The following ADGRL3 variants were observed in gnomAD, a reference collection of about 807,000 sequenced individuals.
ADGRL3 encodes the protein adhesion G protein-coupled receptor L3, also known as calcium-independent alpha-latrotoxin receptor 3.
A neutral mutation model predicts 153.5 loss-of-function variants in ADGRL3; 62 were observed. That is an observed-to-expected ratio of 0.40 (90% confidence interval 0.33 to 0.50). ADGRL3 has a LOEUF of 0.50. ADGRL3 is among the 20% of genes least tolerant of loss of function. The pLI is 0.47. For synonymous variants in ADGRL3, 710 were observed against 672.5 expected, an observed-to-expected ratio of 1.06 and a Z score of -0.86; for missense variants, 1,641 against 1,859.4, an observed-to-expected ratio of 0.88 and a Z score of 2.16.
intron 1 of ADGRL3, among the ~76,000 whole-genome samples, chr4:61,299,946 A>G (rs1185663575): frequency 6.6e-6 from 1 of 152,150 alleles, no homozygotes; most frequent in African/African-American, 2.4e-5. Flanking sequence ...TGTCTTATTT[A>G]TTATCAGATA....
chr4:61,696,692 G>A (rs13125921), intron 6 of ADGRL3, among the ~76,000 whole-genome samples: 1 of 8,190 alleles, frequency 1.2e-4, no homozygotes, highest in Admixed American at 1.1e-3. Context: ...TTTTTTTTTT[G>A]TGAGATGGAG....
chr4:61,535,472 C>T (rs773154714), intron 4 of ADGRL3, among the ~76,000 whole-genome samples: 4 of 152,006 alleles, frequency 2.6e-5, no homozygotes, highest in Non-Finnish European at 4.4e-5. Context: ...AAGAGGAATA[C>T]CTTCTCCTCA....
chr4:61,333,854 G>A (rs1198688261), intron 1 of ADGRL3, among the ~76,000 whole-genome samples: 5 of 148,632 alleles, frequency 3.4e-5, no homozygotes, highest in African/African-American at 1.2e-4. Flanking sequence ...GGATTCAAGT[G>A]ATCTTTCTGT....
chr4:61,702,149 G>C (rs1236117949), intron 6 of ADGRL3, among the ~76,000 whole-genome samples: 1 of 152,142 alleles, frequency 6.6e-6, no homozygotes, highest in Non-Finnish European at 1.5e-5. Flanking sequence ...GGCCATTCCT[G>C]TCAAATTTCG....
At chr4:61,673,657 GAAGTA>G (rs2095082232) in intron 5 of ADGRL3, among the ~76,000 whole-genome samples, 1 of 150,970 alleles carries the variant, frequency 6.6e-6, no homozygotes. Context: ...AAAAGAAAGC[GAAGTA>G]AAGGACAGAA....
rs182224587 is a variant in ADGRL3 at position 61,896,122 on chromosome 4, G to A, written c.1887+288G>A. Among the ~76,000 whole-genome samples, 4 of 152,128 alleles carry A rather than the reference G, an allele frequency of 2.6e-5. No individual in the cohort carries two copies. In the East Asian group the frequency reaches 7.7e-4, roughly 29 times the overall value. On this transcript the variant is annotated intron_variant, in intron 11 of 26. Coordinates refer to ENST00000683033, the MANE Select transcript of ADGRL3 (RefSeq NM_001387552.1). ...AAGTCCAAGAGGCATTATACATTAA[G>A]CAAGTAAAAGTTTCTAGCATGTATA...
intron 1 of ADGRL3, among the ~76,000 whole-genome samples, chr4:61,374,409 G>A (rs2096579061): frequency 6.6e-6 from 1 of 152,180 alleles, no homozygotes; most frequent in Middle Eastern, 3.4e-3. Flanking sequence ...GAATTTTAGT[G>A]CAGTGTGCCT....
At chr4:61,506,669 G>A (rs182586478) in intron 3 of ADGRL3, among the ~76,000 whole-genome samples, 29 of 152,194 alleles carry the variant, frequency 1.9e-4, no homozygotes, top group Admixed American at 3.9e-4. Flanking sequence ...TGAATAGTGA[G>A]TGACAGATAC....
intron 5 of ADGRL3, 105 bp downstream of exon 5, chr4:61,587,545 G>A (rs2098951233): frequency 1.2e-6 from 1 of 851,038 alleles, no homozygotes; most frequent in Non-Finnish European, 1.8e-6. Context: ...ATGTATTTTA[G>A]GACACTTCAA....
intron 9 of ADGRL3, among the ~76,000 whole-genome samples, chr4:61,875,820 G>T (rs1158709719): frequency 6.6e-6 from 1 of 152,150 alleles, no homozygotes. Context: ...GAGGACTGAT[G>T]ATACTGCATT....
intron 5 of ADGRL3, among the ~76,000 whole-genome samples, chr4:61,644,993 G>A (rs1417263766): frequency 2.0e-5 from 3 of 152,032 alleles, no homozygotes; most frequent in African/African-American, 7.2e-5. Context: ...TATATATTTA[G>A]GATAGTTAGC....
At chr4:62,027,006 T>C (rs1322853704) in intron 21 of ADGRL3, among the ~76,000 whole-genome samples, 1 of 152,078 alleles carries the variant, frequency 6.6e-6, no homozygotes, top group Non-Finnish European at 1.5e-5. Context: ...GATGCCTATG[T>C]GTCAACCTCT....
chr4:61,993,473 G>A (rs374613496), intron 19 of ADGRL3, among the ~76,000 whole-genome samples: 19 of 151,222 alleles, frequency 1.3e-4, no homozygotes, highest in East Asian at 9.8e-4. Context: ...TGTATTTTTA[G>A]TAGAGATGGG....
chr4:61,391,300 G>A (rs2096798963), intron 2 of ADGRL3, among the ~76,000 whole-genome samples: 1 of 152,060 alleles, frequency 6.6e-6, no homozygotes, highest in Non-Finnish European at 1.5e-5. Context: ...AAGAGACACA[G>A]GTGGGGGTGG....
At chr4:61,892,179 T>A (rs1192607211) in intron 9 of ADGRL3, among the ~76,000 whole-genome samples, 2 of 89,052 alleles carry the variant, frequency 2.2e-5, no homozygotes, top group Non-Finnish European at 4.8e-5. Context: ...TAATTTCTGT[T>A]TCCTTTTTTT....
At chr4:61,209,335 G>A (rs1282479893) in intron 1 of ADGRL3, among the ~76,000 whole-genome samples, 2 of 152,118 alleles carry the variant, frequency 1.3e-5, no homozygotes, top group Admixed American at 6.5e-5. Context: ...CTGCAAAATA[G>A]AGATAATAAA....
At chr4:62,062,579 G>A (rs1357328326) in intron 25 of ADGRL3, among the ~76,000 whole-genome samples, 1 of 151,756 alleles carries the variant, frequency 6.6e-6, no homozygotes, top group Non-Finnish European at 1.5e-5. Flanking sequence ...TTTCATAAAT[G>A]TCCTAAGTAT....
At chr4:61,428,602 T>C (rs1021790227) in intron 2 of ADGRL3, among the ~76,000 whole-genome samples, 1 of 152,242 alleles carries the variant, frequency 6.6e-6, no homozygotes, top group Non-Finnish European at 1.5e-5. Context: ...GTGTGTTGTC[T>C]GTTTCTGCCA....
At chr4:61,785,671 T>C (rs1384111606) in intron 8 of ADGRL3, among the ~76,000 whole-genome samples, 1 of 152,202 alleles carries the variant, frequency 6.6e-6, no homozygotes, top group Non-Finnish European at 1.5e-5. Flanking sequence ...TTCTCCTTCT[T>C]TAACCAAATA....
Sources: gnomAD v4.1 joint callset for allele counts (sites outside exome capture counted in the v4.1 genomes callset) on GRCh38, gnomAD v4.1.1 for gene constraint, MANE v1.5 for transcripts, NCBI Gene and HGNC (gene_info 2026-07-23, HGNC 2026-07-21) for gene names.